NR2F1-AS1: variants seen among roughly 807,000 people sequenced by gnomAD.
NR2F1-AS1 encodes the protein NR2F1 antisense RNA 1.
chr5:93,429,806 T>G (rs1229360012), intron 4 of NR2F1-AS1, among the ~76,000 whole-genome samples: 1 of 152,190 alleles, frequency 6.6e-6, no homozygotes, highest in African/African-American at 2.4e-5. Flanking sequence ...ATCATCTCTG[T>G]TCCATTTGGA....
upstream of NR2F1-AS1, chr5:93,585,272 C>T (rs1227785652): frequency 6.3e-7 from 1 of 1,596,550 alleles, no homozygotes; most frequent in African/African-American, 1.3e-5. Context: ...GCCAGCAGCA[C>T]ATCGAGTGCG....
intron 4 of NR2F1-AS1, among the ~76,000 whole-genome samples, chr5:93,523,397 G>A (rs1020465640): frequency 1.3e-5 from 2 of 152,212 alleles, no homozygotes; most frequent in Non-Finnish European, 2.9e-5. Flanking sequence ...AGAGGACCTG[G>A]GGGAAGTGGC....
chr5:93,445,547 A>G (rs1344101297), intron 4 of NR2F1-AS1, among the ~76,000 whole-genome samples: 1 of 152,194 alleles, frequency 6.6e-6, no homozygotes, highest in Non-Finnish European at 1.5e-5. Flanking sequence ...AAATTGAGGC[A>G]ATAATTAATA....
chr5:93,441,758 T>C (rs976760000), intron 4 of NR2F1-AS1, among the ~76,000 whole-genome samples: 2 of 152,188 alleles, frequency 1.3e-5, no homozygotes, highest in Non-Finnish European at 2.9e-5. Flanking sequence ...CTCTTTGTCA[T>C]AAAAATTAGT....
intron 4 of NR2F1-AS1, among the ~76,000 whole-genome samples, chr5:93,495,834 T>A (rs1750948981): frequency 6.6e-6 from 1 of 152,142 alleles, no homozygotes; most frequent in African/African-American, 2.4e-5. Flanking sequence ...TCACTAGTTA[T>A]CGCTTATTTT....
intron 4 of NR2F1-AS1, among the ~76,000 whole-genome samples, chr5:93,468,981 C>A (rs967564924): frequency 1.3e-5 from 2 of 152,038 alleles, no homozygotes; most frequent in Non-Finnish European, 2.9e-5. Context: ...ATTTCTGAGG[C>A]CTCTGTTCTG....
chr5:93,419,378 CTG>C (rs1309279798), intron 4 of NR2F1-AS1, among the ~76,000 whole-genome samples: 2 of 152,136 alleles, frequency 1.3e-5, no homozygotes, highest in Non-Finnish European at 2.9e-5. Context: ...ATGTATATTT[CTG>C]TTATGTGATA....
At chr5:93,531,132 T>C (rs1580308100) in intron 4 of NR2F1-AS1, among the ~76,000 whole-genome samples, 1 of 152,108 alleles carries the variant, frequency 6.6e-6, no homozygotes, top group Non-Finnish European at 1.5e-5. Flanking sequence ...CCAAAATACA[T>C]AATGTCCCAT....
At chr5:93,555,326 C>A (rs952221614) in intron 2 of NR2F1-AS1, among the ~76,000 whole-genome samples, 1 of 152,064 alleles carries the variant, frequency 6.6e-6, no homozygotes, top group Admixed American at 6.6e-5. Context: ...GAAGGAAAAA[C>A]TGGCTTTAAA....
intron 4 of NR2F1-AS1, among the ~76,000 whole-genome samples, chr5:93,552,255 G>A (rs1263341039): frequency 2.0e-5 from 3 of 152,122 alleles, no homozygotes; most frequent in Non-Finnish European, 2.9e-5. Context: ...GGTCAGTAGA[G>A]GACTTCAAAG....
At chr5:93,546,601 T>C (rs989614038) in intron 4 of NR2F1-AS1, among the ~76,000 whole-genome samples, 2 of 152,156 alleles carry the variant, frequency 1.3e-5, no homozygotes, top group Non-Finnish European at 2.9e-5. Context: ...TACTGGCACA[T>C]ACAGAGCATT....
intron 4 of NR2F1-AS1, among the ~76,000 whole-genome samples, chr5:93,486,593 C>A (rs1338347723): frequency 6.6e-6 from 1 of 152,158 alleles, no homozygotes; most frequent in Non-Finnish European, 1.5e-5. Flanking sequence ...GAAATTGCAG[C>A]AATAATTAAT....
intron 4 of NR2F1-AS1, among the ~76,000 whole-genome samples, chr5:93,514,630 A>G (rs1751365914): frequency 6.6e-6 from 1 of 152,044 alleles, no homozygotes; most frequent in Non-Finnish European, 1.5e-5. Context: ...CTTTTATTTC[A>G]CTTAAGAAAA....
intron 4 of NR2F1-AS1, among the ~76,000 whole-genome samples, chr5:93,495,089 T>C (rs1750930767): frequency 6.6e-6 from 1 of 152,220 alleles, no homozygotes; most frequent in Admixed American, 6.6e-5. Flanking sequence ...ATTTATTATA[T>C]AAATAACTAC....
intron 4 of NR2F1-AS1, among the ~76,000 whole-genome samples, chr5:93,521,258 T>C (rs1294100293): frequency 6.6e-6 from 1 of 152,106 alleles, no homozygotes; most frequent in Non-Finnish European, 1.5e-5. Context: ...CTCAAAACTA[T>C]AAAAATCCTG....
At chr5:93,472,885 C>T (rs1178581459) in intron 4 of NR2F1-AS1, among the ~76,000 whole-genome samples, 1 of 151,786 alleles carries the variant, frequency 6.6e-6, no homozygotes, top group Admixed American at 6.6e-5. Context: ...GAAATAATAG[C>T]TCCTAATCAT....
intron 4 of NR2F1-AS1, among the ~76,000 whole-genome samples, chr5:93,414,985 T>A (rs1748938940): frequency 6.6e-6 from 1 of 152,122 alleles, no homozygotes; most frequent in African/African-American, 2.4e-5. Flanking sequence ...TCAGACATAT[T>A]AATGAAGCCA....
At chr5:93,584,724 G>C (rs1430195742), upstream of NR2F1-AS1, 1 of 150,678 alleles carries the variant, frequency 6.6e-6, no homozygotes, top group Non-Finnish European at 1.5e-5. Flanking sequence ...GAGAGCCTGG[G>C]GGGGCTGCAA....
chr5:93,536,234 G>A (rs1378135339), intron 4 of NR2F1-AS1, among the ~76,000 whole-genome samples: 1 of 151,896 alleles, frequency 6.6e-6, no homozygotes, highest in East Asian at 1.9e-4. Context: ...CCTTAACCAA[G>A]GAAGTGAAAG....
Sources: allele counts gnomAD v4.1 joint callset (sites outside exome capture counted in the v4.1 genomes callset), GRCh38; gene constraint gnomAD v4.1.1; transcripts MANE v1.5; gene names NCBI Gene and HGNC (gene_info 2026-07-23, HGNC 2026-07-21).